Variants in PDE6A observed in about 807,000 individuals in gnomAD.
PDE6A encodes phosphodiesterase 6A.
A neutral mutation model predicts 106.3 loss-of-function variants in PDE6A; 84 were observed. The ratio of observed to expected loss-of-function variants is 0.79; its 90% CI spans 0.66 to 0.95. The LOEUF is 0.95. Ranked by LOEUF, PDE6A falls within the 40% of genes least tolerant of loss-of-function variation. The probability of loss-of-function intolerance (pLI) is 0.00; values close to 1 mark genes in which losing one functional copy is unlikely to be tolerated. For synonymous variants in PDE6A, 394 were observed against 386.6 expected, an observed-to-expected ratio of 1.02 and a Z score of -0.23; for missense variants, 1,052 against 1,084.9, an observed-to-expected ratio of 0.97 and a Z score of 0.43.
At chr5:149,900,385 A>G (rs887181443) in intron 8 of PDE6A, among the ~76,000 whole-genome samples, 1 of 113,296 alleles carries the variant, frequency 8.8e-6, no homozygotes, top group Non-Finnish European at 1.7e-5. Context: ...GTATATATAT[A>G]TATATATATA....
intron 13 of PDE6A, among the ~76,000 whole-genome samples, chr5:149,894,881 G>A (rs185272865): frequency 1.7e-3 from 261 of 152,030 alleles, no homozygotes; most frequent in African/African-American, 5.9e-3. Context: ...CACCCGCCTC[G>A]GCATCCCAAA....
At chr5:149,928,231 A>ATATATT in intron 4 of PDE6A, among the ~76,000 whole-genome samples, 2 of 19,744 alleles carry the variant, frequency 1.0e-4, no homozygotes, top group African/African-American at 4.8e-4. Context: ...ATATATATAT[A>ATATATT]TTTTTTTTTT....
intron 20 of PDE6A, among the ~76,000 whole-genome samples, chr5:149,865,274 G>A (rs1760287635): frequency 1.3e-5 from 2 of 151,324 alleles, no homozygotes; most frequent in Admixed American, 6.6e-5. Context: ...GCTGGATGTG[G>A]TGGTGTGCAC....
At chr5:149,899,680 A>G (rs928495402) in intron 8 of PDE6A, among the ~76,000 whole-genome samples, 156 bp from the exon 9 acceptor site, 1 of 152,270 alleles carries the variant, frequency 6.6e-6, no homozygotes, top group East Asian at 1.9e-4. Context: ...ACCGACAACT[A>G]CCATGAGAAA....
chr5:149,909,161 A>G (rs999761759), intron 6 of PDE6A, among the ~76,000 whole-genome samples: 3 of 151,922 alleles, frequency 2.0e-5, no homozygotes. Context: ...ACACCTGGCT[A>G]GGTTTTTTGT....
chr5:149,882,902 A>G lies in PDE6A; in HGVS notation c.2135+527T>C, dbSNP rs570205044. ...GCAAAACCCGGTCTCGACTAAAAATACAAAAATTAGCTGGGCGTGGTGGTG... is the reference window on the plus strand; with the variant it reads ...GCAAAACCCGGTCTCGACTAAAAATGCAAAAATTAGCTGGGCGTGGTGGTG... On this transcript the variant is annotated intron_variant, in intron 17 of 21. Transcript: ENST00000255266. Among the ~76,000 whole-genome samples, 4 of 152,316 alleles carry G rather than the reference A, an allele frequency of 2.6e-5. No individual in the cohort carries two copies. The South Asian group carries it at 6.2e-4, about 24-fold the overall frequency.
intron 6 of PDE6A, among the ~76,000 whole-genome samples, chr5:149,908,101 TTTC>T (rs1213529496): frequency 1.3e-5 from 2 of 152,238 alleles, no homozygotes; most frequent in Non-Finnish European, 2.9e-5. Context: ...TTTGCTTATT[TTTC>T]AACTCATTTA....
At chr5:149,929,917 TC>T (rs2113654758) in intron 4 of PDE6A, among the ~76,000 whole-genome samples, 1 of 152,240 alleles carries the variant, frequency 6.6e-6, no homozygotes, top group African/African-American at 2.4e-5. Flanking sequence ...ACGTTGTCCT[TC>T]TTTTTTTATT....
intron 17 of PDE6A, among the ~76,000 whole-genome samples, chr5:149,878,947 G>T (rs112417490): frequency 0.032 from 4,933 of 152,190 alleles, 116 homozygotes; most frequent in Admixed American, 0.054. Context: ...TAGACTATGT[G>T]TTTTTGTGTG....
intron 8 of PDE6A, among the ~76,000 whole-genome samples, chr5:149,901,731 G>A (rs972450307): frequency 3.3e-5 from 5 of 152,228 alleles, no homozygotes; most frequent in Admixed American, 3.3e-4. Context: ...CCCTCAGCAA[G>A]TCTTCAGGCT....
chr5:149,944,440 G>C lies in PDE6A; in HGVS notation c.234C>G (p.Ile78Met). ...FQENLQTEKC[I>M]FNVMKKLCFL... Reference sequence around the variant, plus strand: ...AGCACAGCTTCTTCATGACATTGAAGATGCATTTCTCTGTCTGTAAATTCT... The same window carrying C: ...AGCACAGCTTCTTCATGACATTGAACATGCATTTCTCTGTCTGTAAATTCT... The change falls in exon 1 of 22, where the codon ATC (isoleucine) becomes ATG (methionine). Residue 78 changes from isoleucine (I) to methionine (M), a missense_variant. Coordinates refer to ENST00000255266, the MANE Select transcript of PDE6A (RefSeq NM_000440.3). 1 of 1,614,152 alleles carries C rather than the reference G, an allele frequency of 6.2e-7. No individual in the cohort carries two copies. Among genetic ancestry groups the C allele is most frequent in the East Asian group, 2.2e-5 (1 of 44,884 alleles).
At position 149,884,525 on chromosome 5, in the gene PDE6A, T is replaced by A. The variant is rs146354942; in HGVS notation, c.1981A>T (p.Met661Leu). The change falls in exon 16 of 22, where the codon ATG (methionine) becomes TTG (leucine). Residue 661 changes from methionine (M) to leucine (L), a missense_variant. By Grantham distance (15) the Met-to-Leu change is conservative (BLOSUM62 2). Around this residue, in one of 3 missense-constraint regions of PDE6A, gnomAD observed 913 missense variants for 915.2 expected, o/e 1.00. Transcript: ENST00000255266. Reference protein sequence around the residue: ...NRRQHEHAIHMMDIAIIATDL... With the variant: ...NRRQHEHAIHLMDIAIIATDL... ...GTGGCAATGATTGCAATGTCCATCATGTGGATGGCATGCTCATGCTGTCGA... is the reference window on the plus strand; with the variant it reads ...GTGGCAATGATTGCAATGTCCATCAAGTGGATGGCATGCTCATGCTGTCGA... The A allele has an allele frequency of 3.7e-6, 6 of 1,613,892 alleles. No homozygotes were observed. In the Middle Eastern group the frequency reaches 4.9e-4, roughly 133 times the overall value.
chr5:149,902,641 C>G (rs1561742613), intron 8 of PDE6A, among the ~76,000 whole-genome samples: 1 of 151,840 alleles, frequency 6.6e-6, no homozygotes, highest in Non-Finnish European at 1.5e-5. Flanking sequence ...ATCAACATGG[C>G]GAGATCCCAC....
chr5:149,920,710 C>A (rs758961465), intron 5 of PDE6A, among the ~76,000 whole-genome samples: 2 of 151,956 alleles, frequency 1.3e-5, no homozygotes, highest in Non-Finnish European at 2.9e-5. Context: ...TAATCATCCA[C>A]CTTTTCAAAA....
At chr5:149,901,109 T>C (rs967612268) in intron 8 of PDE6A, among the ~76,000 whole-genome samples, 13 of 151,920 alleles carry the variant, frequency 8.6e-5, no homozygotes, top group African/African-American at 2.9e-4. Flanking sequence ...AGAGACAGAG[T>C]TTCACCATGT....
At chr5:149,887,334 T>C (rs1278500680) in intron 13 of PDE6A, among the ~76,000 whole-genome samples, 3 of 152,146 alleles carry the variant, frequency 2.0e-5, no homozygotes, top group African/African-American at 7.2e-5. Context: ...TTCACCTCAC[T>C]GTATATGAGG....
At chr5:149,913,502 C>G (rs1323364543) in intron 6 of PDE6A, among the ~76,000 whole-genome samples, 1 of 152,044 alleles carries the variant, frequency 6.6e-6, no homozygotes, top group Non-Finnish European at 1.5e-5. Flanking sequence ...TCACCGGTAA[C>G]AGACAACCCT....
intron 1 of PDE6A, among the ~76,000 whole-genome samples, chr5:149,938,258 A>T (rs1420213319): frequency 3.3e-5 from 5 of 152,172 alleles, no homozygotes; most frequent in Admixed American, 1.3e-4. Context: ...GTATTGAATA[A>T]GGTCCTCTGT....
chr5:149,943,154 G>T (rs1426729155), intron 1 of PDE6A, among the ~76,000 whole-genome samples: 1 of 152,136 alleles, frequency 6.6e-6, no homozygotes, highest in Non-Finnish European at 1.5e-5. Flanking sequence ...TTGGGCAGAG[G>T]TCCCTGCGGC....
Sources: gnomAD v4.1 joint callset for allele counts (sites outside exome capture counted in the v4.1 genomes callset) on GRCh38, gnomAD v4.1.1 for gene constraint, gnomAD v4.1.1 regional missense constraint, MANE v1.5 for transcripts, NCBI Gene and HGNC (gene_info 2026-07-23, HGNC 2026-07-21) for gene names.